The following GAB2 variants were observed in gnomAD, a reference collection of about 807,000 sequenced individuals.
GAB2 encodes GRB2 associated binding protein 2, also known as GRB2-associated-binding protein 2.
A neutral mutation model predicts 65.5 loss-of-function variants in GAB2; 26 were observed. The observed-to-expected ratio is 0.40, with a 90% confidence interval of 0.29 to 0.55. The LOEUF (loss-of-function observed/expected upper bound fraction) is 0.55. GAB2 is among the 20% of genes least tolerant of loss of function. The probability of loss-of-function intolerance (pLI) is 0.53; values close to 1 mark genes in which losing one functional copy is unlikely to be tolerated. For synonymous variants in GAB2, 321 were observed against 329.6 expected (o/e 0.97, Z 0.28); for missense variants, 884 against 875.8 (o/e 1.01, Z -0.12).
chr11:78,401,599 A>C (rs1338999623), intron 1 of GAB2, among the ~76,000 whole-genome samples: 1 of 148,792 alleles, frequency 6.7e-6, no homozygotes, highest in Non-Finnish European at 1.5e-5. Context: ...CTGTTGTAGC[A>C]TGTCCATGTA....
intron 1 of GAB2, among the ~76,000 whole-genome samples, chr11:78,353,418 G>A (rs11237466): frequency 0.017 from 2,638 of 152,300 alleles, 88 homozygotes; most frequent in African/African-American, 0.062. Flanking sequence ...TCCAGCCTGG[G>A]TAAAAGAGTG....
intron 3 of GAB2, among the ~76,000 whole-genome samples, chr11:78,245,074 A>G (rs1338037710): frequency 6.6e-6 from 1 of 152,204 alleles, no homozygotes. Flanking sequence ...AAGAAAATGT[A>G]GTATGAGTCC....
intron 1 of GAB2, among the ~76,000 whole-genome samples, chr11:78,310,005 G>A (rs1441818051): frequency 6.7e-6 from 1 of 149,024 alleles, no homozygotes; most frequent in Non-Finnish European, 1.5e-5. Flanking sequence ...GGTGGCAGTG[G>A]TGGGGTAAGT....
At chr11:78,318,260 C>A (rs1243719789) in intron 1 of GAB2, 1 of 150,220 alleles carries the variant, frequency 6.7e-6, no homozygotes, top group Admixed American at 6.7e-5. Flanking sequence ...GAGGAGGGAC[C>A]AGCACAAGCA....
chr11:78,303,915 TC>T (rs1855294221), intron 1 of GAB2, among the ~76,000 whole-genome samples: 1 of 152,190 alleles, frequency 6.6e-6, no homozygotes, highest in Non-Finnish European at 1.5e-5. Flanking sequence ...CATTCTCATG[TC>T]CTTGAAAGAA....
At position 78,317,191 on chromosome 11, in the gene GAB2, G is replaced by A. The variant is rs1364151594; in HGVS notation, c.76-36290C>T. 2.6e-5 allele frequency among the ~76,000 whole-genome samples: 4 copies of A among 152,336 alleles called. No individual in the cohort carries two copies. The Middle Eastern group carries it at 0.01, about 389-fold the overall frequency. ...ATAGTTTCAGTTTGGGAAGCTGAAA[G>A]GAGTTTTGGAGATGGATGGTGGTAA... On this transcript the variant is annotated intron_variant, in intron 1 of 9. Coordinates refer to ENST00000361507, the MANE Select transcript of GAB2 (RefSeq NM_080491.3).
rs1257724264 is a variant in GAB2 at position 78,219,181 on chromosome 11, G to A, written c.*91C>T. ...GAGACTGGCAGAGTAGAGAGGAGGTGGATGGGAGGAAGAACGGGAGAGGGG... is the reference window on the plus strand; with the variant it reads ...GAGACTGGCAGAGTAGAGAGGAGGTAGATGGGAGGAAGAACGGGAGAGGGG... On this transcript the variant is annotated 3_prime_UTR_variant, in exon 10 of 10. Coordinates refer to ENST00000361507, the MANE Select transcript of GAB2 (RefSeq NM_080491.3). The A allele has an allele frequency of 1.1e-5, 13 of 1,208,570 alleles. No individual in the cohort carries two copies. The African/African-American group carries it at 1.8e-4, about 17-fold the overall frequency. 74.9% of individuals were successfully genotyped at this position (1,208,570 alleles called of 1,614,324 possible).
intron 1 of GAB2, among the ~76,000 whole-genome samples, chr11:78,370,895 A>C (rs1856563508): frequency 6.6e-6 from 1 of 152,168 alleles, no homozygotes; most frequent in Non-Finnish European, 1.5e-5. Context: ...CACTCTGGAC[A>C]GTCACTGGGG....
chr11:78,401,942 T>C (rs571308168), intron 1 of GAB2, among the ~76,000 whole-genome samples: 1 of 152,336 alleles, frequency 6.6e-6, no homozygotes, highest in South Asian at 2.1e-4. Flanking sequence ...CATCTGGTTA[T>C]ATGAACCATA....
At chr11:78,268,928 G>C (rs373344145) in intron 2 of GAB2, among the ~76,000 whole-genome samples, 1 of 151,246 alleles carries the variant, frequency 6.6e-6, no homozygotes, top group Admixed American at 6.6e-5. Context: ...CTGAACTCAC[G>C]GCCTGTTCTG....
At chr11:78,292,287 G>C (rs1055617392) in intron 1 of GAB2, among the ~76,000 whole-genome samples, 1 of 152,054 alleles carries the variant, frequency 6.6e-6, no homozygotes, top group Admixed American at 6.6e-5. Context: ...CAGGAGTTTC[G>C]CAAAAGCCTC....
Position 78,219,158 on chromosome 11 carries a change from G to A in GAB2, c.*114C>T. ...TGATGTCAAGTGCTTTGAAGGCTGAGACTGGCAGAGTAGAGAGGAGGTGGA... is the reference window on the plus strand; with the variant it reads ...TGATGTCAAGTGCTTTGAAGGCTGAAACTGGCAGAGTAGAGAGGAGGTGGA... On this transcript the variant is annotated 3_prime_UTR_variant, in exon 10 of 10. Coordinates refer to ENST00000361507, the MANE Select transcript of GAB2 (RefSeq NM_080491.3). The A allele has an allele frequency of 9.9e-7, 1 of 1,013,320 alleles. No individual in the cohort carries two copies. Among genetic ancestry groups the A allele is most frequent in the Non-Finnish European group, 1.5e-6 (1 of 679,706 alleles). The allele number at this position is 1,013,320 out of a possible 1,614,324, so 62.8% of individuals were successfully genotyped here.
At chr11:78,304,264 T>C (rs969467285) in intron 1 of GAB2, among the ~76,000 whole-genome samples, 1 of 152,214 alleles carries the variant, frequency 6.6e-6, no homozygotes, top group Non-Finnish European at 1.5e-5. Context: ...TTAGGGTTTT[T>C]TGTATATTCA....
At chr11:78,279,762 T>C (rs1866280415) in intron 2 of GAB2, among the ~76,000 whole-genome samples, 1 of 152,268 alleles carries the variant, frequency 6.6e-6, no homozygotes, top group Non-Finnish European at 1.5e-5. Context: ...TACCATTTTA[T>C]GGCTTAGTAA....
intron 3 of GAB2, among the ~76,000 whole-genome samples, chr11:78,243,164 GAAA>G (rs937159611): frequency 1.5e-5 from 2 of 135,138 alleles, no homozygotes; most frequent in Non-Finnish European, 3.2e-5. Flanking sequence ...ACTCTGTCTA[GAAA>G]AAAAAAAAGA....
Position 78,219,390 on chromosome 11 carries a change from T to A in GAB2, c.1913A>T (p.Asp638Val), listed in dbSNP as rs752327819. The change falls in exon 10 of 10, where the codon GAT becomes GTT. Residue 638 changes from aspartate to valine, a missense_variant. Asp to Val is a radical substitution (Grantham distance 152). Coordinates refer to ENST00000361507, the MANE Select transcript of GAB2 (RefSeq NM_080491.3). Reference protein sequence around the residue: ...RKPSTSSVTSDEKVDYVQVDK... With the variant: ...RKPSTSSVTSVEKVDYVQVDK... Reference sequence around the variant, plus strand: ...CACCTGAACGTAGTCCACCTTCTCATCAGAGGTGACGGATGAAGTAGATGG... The same window carrying A: ...CACCTGAACGTAGTCCACCTTCTCAACAGAGGTGACGGATGAAGTAGATGG... 16 of 1,613,776 alleles carry A rather than the reference T, an allele frequency of 9.9e-6. No homozygotes were observed. The highest frequency in any genetic ancestry group is 1.4e-5 in the Non-Finnish European group (16 of 1,179,872).
intron 1 of GAB2, chr11:78,392,450 T>C (rs1856846153): frequency 6.6e-6 from 1 of 152,250 alleles, no homozygotes; most frequent in African/African-American, 2.4e-5. Context: ...GGCACTACTC[T>C]GCTTGGCTTT....
intron 1 of GAB2, among the ~76,000 whole-genome samples, chr11:78,292,504 G>T (rs999290394): frequency 3.3e-5 from 5 of 152,220 alleles, no homozygotes; most frequent in African/African-American, 9.6e-5. Context: ...TGGTGATGTG[G>T]TTGAGTTCTA....
intron 1 of GAB2, among the ~76,000 whole-genome samples, chr11:78,362,591 T>C (rs1291559202): frequency 1.3e-5 from 2 of 152,166 alleles, no homozygotes; most frequent in Non-Finnish European, 2.9e-5. Flanking sequence ...TAAATCAATT[T>C]AATTCACCAT....
Sources: gnomAD v4.1 joint callset for allele counts (sites outside exome capture counted in the v4.1 genomes callset) on GRCh38, gnomAD v4.1.1 for gene constraint, MANE v1.5 for transcripts, NCBI Gene and HGNC (gene_info 2026-07-23, HGNC 2026-07-21) for gene names.